Variants in GSE1 observed in about 807,000 individuals in gnomAD.
The protein encoded by GSE1 is genetic suppressor element 1.
In GSE1, 32 loss-of-function variants were observed where a neutral mutation model predicts 112.6. That is an observed-to-expected ratio of 0.28 (90% CI 0.21 to 0.38). GSE1 has a LOEUF of 0.38. Among genes scored for constraint, GSE1 ranks in the 10% least tolerant of loss-of-function variants. GSE1 has a pLI of 1.00. For synonymous variants in GSE1, 1,115 were observed against 735.6 expected (o/e 1.52, Z -8.35); for missense variants, 2,348 against 1,699.2 (o/e 1.38, Z -6.71).
At chr16:85,611,547 G>T (rs918970846), upstream of GSE1, 5 of 848,580 alleles carry the variant, frequency 5.9e-6, no homozygotes, top group South Asian at 1.6e-4. Context: ...AGCCAGTAAC[G>T]GCCCGACCCG....
At chr16:85,540,979 C>G (rs960320133) in intron 2 of GSE1, among the ~76,000 whole-genome samples, 7 of 152,072 alleles carry the variant, frequency 4.6e-5, no homozygotes, top group African/African-American at 1.7e-4. Context: ...ATGAGACATT[C>G]AGGCCACTTC....
At chr16:85,366,367 C>T (rs2047185893) in intron 2 of GSE1, among the ~76,000 whole-genome samples, 1 of 152,250 alleles carries the variant, frequency 6.6e-6, no homozygotes. Flanking sequence ...GTGTCACCCA[C>T]TCTGTCTCTG....
chr16:85,336,092 T>G (rs968729603), intron 1 of GSE1, among the ~76,000 whole-genome samples: 6 of 152,100 alleles, frequency 3.9e-5, no homozygotes, highest in Non-Finnish European at 8.8e-5. Flanking sequence ...TGCCCCGGGT[T>G]CAGGCCAGGG....
At chr16:85,645,954 C>T (rs926647906) in intron 2 of GSE1, among the ~76,000 whole-genome samples, 4 of 151,676 alleles carry the variant, frequency 2.6e-5, no homozygotes, top group Admixed American at 2.0e-4. Context: ...ATTCTACCTG[C>T]TTCTACCACG....
chr16:85,398,571 C>T (rs1321957523), intron 2 of GSE1, among the ~76,000 whole-genome samples: 1 of 152,162 alleles, frequency 6.6e-6, no homozygotes, highest in Non-Finnish European at 1.5e-5. Context: ...GACATGGCCA[C>T]ACATGGCCAA....
chr16:85,520,390 A>T (rs2052141374), intron 2 of GSE1, among the ~76,000 whole-genome samples: 1 of 151,778 alleles, frequency 6.6e-6, no homozygotes, highest in Non-Finnish European at 1.5e-5. Flanking sequence ...GAGAGAAGAC[A>T]TGCAGGGTCT....
intron 2 of GSE1, among the ~76,000 whole-genome samples, chr16:85,510,439 T>A (rs973882618): frequency 6.6e-6 from 1 of 152,070 alleles, no homozygotes; most frequent in Non-Finnish European, 1.5e-5. Flanking sequence ...TGTGTGTCAG[T>A]GTGTGTGTGT....
chr16:85,578,217 G>A (rs145975910), intron 1 of GSE1, among the ~76,000 whole-genome samples: 4 of 152,344 alleles, frequency 2.6e-5, no homozygotes, highest in Non-Finnish European at 5.9e-5. Context: ...GGGCGGCACC[G>A]GGACAGCTGC....
intron 2 of GSE1, 95 bp from the exon 3 acceptor site, chr16:85,648,457 G>C (rs1429978582): frequency 9.2e-6 from 6 of 649,442 alleles, no homozygotes; most frequent in Non-Finnish European, 1.6e-5. Flanking sequence ...GGCCTCACTT[G>C]GAGCAGGGGG....
intron 2 of GSE1, among the ~76,000 whole-genome samples, chr16:85,544,844 C>G (rs2044641461): frequency 6.6e-6 from 1 of 152,230 alleles, no homozygotes; most frequent in African/African-American, 2.4e-5. Flanking sequence ...GAGAAGAAAG[C>G]CTTGTCGGTT....
rs556824384 is a variant in GSE1 at position 85,669,801 on chromosome 16, C to T, written c.3416-1194C>T. On this transcript the variant is annotated intron_variant, in intron 14 of 15. Transcript: ENST00000253458. ...AGTAAGGCAGAAATCTTAACTGTAC[C>T]TTTCCCACCCAACCAGTTGTCCTGG... Among the ~76,000 whole-genome samples the T allele has an allele frequency of 3.3e-5, 5 of 152,308 alleles. No homozygotes were observed. In the South Asian group the frequency reaches 8.3e-4, roughly 25 times the overall value.
At chr16:85,304,604 G>GGGT (rs755926954) in intron 1 of GSE1, among the ~76,000 whole-genome samples, 5 of 135,116 alleles carry the variant, frequency 3.7e-5, no homozygotes, top group Non-Finnish European at 8.0e-5. Flanking sequence ...CCGGGGGCGG[G>GGGT]GGGGTGGGGC....
chr16:85,545,209 A>G (rs888559118), intron 2 of GSE1, among the ~76,000 whole-genome samples: 17 of 152,212 alleles, frequency 1.1e-4, no homozygotes, highest in African/African-American at 4.1e-4. Context: ...TCCCCAACAC[A>G]GTCGCTGTCT....
intron 2 of GSE1, among the ~76,000 whole-genome samples, chr16:85,417,492 G>C (rs563500497): frequency 6.6e-6 from 1 of 152,186 alleles, no homozygotes; most frequent in Non-Finnish European, 1.5e-5. Context: ...CTAAGTGCCT[G>C]TGGTTTTAGA....
chr16:85,554,809 G>A (rs1282852396), upstream of GSE1: 1 of 881,542 alleles, frequency 1.1e-6, no homozygotes, highest in Non-Finnish European at 1.4e-6. Context: ...ACGGGCGGGC[G>A]GGCGGGCGGC....
intron 1 of GSE1, among the ~76,000 whole-genome samples, chr16:85,329,066 G>A (rs2046285629): frequency 6.6e-6 from 1 of 152,026 alleles, no homozygotes; most frequent in South Asian, 2.1e-4. Flanking sequence ...GAACCCCCGC[G>A]GCCCCAGTGT....
chr16:85,512,896 C>T (rs2051795573), intron 2 of GSE1, among the ~76,000 whole-genome samples: 1 of 152,090 alleles, frequency 6.6e-6, no homozygotes, highest in South Asian at 2.1e-4. Context: ...GGTGCATCAC[C>T]AGACAAGGCC....
chr16:85,231,214 T>C (rs959518589), intron 1 of GSE1, among the ~76,000 whole-genome samples: 1 of 139,930 alleles, frequency 7.1e-6, no homozygotes, highest in African/African-American at 2.7e-5. Flanking sequence ...GACAGAAGGA[T>C]AGATGGATGG....
At chr16:85,520,968 G>C (rs866953990) in intron 2 of GSE1, among the ~76,000 whole-genome samples, 15 of 152,152 alleles carry the variant, frequency 9.9e-5, no homozygotes, top group African/African-American at 3.6e-4. Flanking sequence ...TTGGCAGACA[G>C]ACCGGTCCAA....
Sources: gnomAD v4.1 joint callset for allele counts (sites outside exome capture counted in the v4.1 genomes callset) on GRCh38, gnomAD v4.1.1 for gene constraint, MANE v1.5 for transcripts, NCBI Gene and HGNC (gene_info 2026-07-23, HGNC 2026-07-21) for gene names.